Variants in KCNK3 observed in about 807,000 individuals in gnomAD.
KCNK3 encodes potassium channel subfamily K member 3.
In KCNK3, 9 loss-of-function variants were observed where a neutral mutation model predicts 27.3. The ratio of observed to expected loss-of-function variants is 0.33; its 90% CI spans 0.20 to 0.57. The LOEUF (loss-of-function observed/expected upper bound fraction) is 0.57. Among genes scored for constraint, KCNK3 ranks in the 20% least tolerant of loss-of-function variants. The pLI, the probability that KCNK3 is intolerant of heterozygous loss-of-function variation, is 0.87. For synonymous variants in KCNK3, 278 were observed against 273.8 expected, an observed-to-expected ratio of 1.02 and a Z score of -0.15; for missense variants, 391 against 577.7, an observed-to-expected ratio of 0.68 and a Z score of 3.31.
At chr2:26,727,394 A>C (rs1663440018) in intron 1 of KCNK3, among the ~76,000 whole-genome samples, 1 of 152,220 alleles carries the variant, frequency 6.6e-6, no homozygotes, top group Non-Finnish European at 1.5e-5. Context: ...ACTCGAGTTC[A>C]AACACGGTTG....
At chr2:26,698,534 A>G (rs1670263278) in intron 1 of KCNK3, among the ~76,000 whole-genome samples, 1 of 152,196 alleles carries the variant, frequency 6.6e-6, no homozygotes, top group Non-Finnish European at 1.5e-5. Context: ...GCACTTAATA[A>G]TTTGCCATTA....
rs1013938101 is a variant in KCNK3 at position 26,721,443 on chromosome 2, G to C, written c.284-6224G>C. ...TGGGCACAGAAGCTAGGCTCCTTCC[G>C]CCTCATCTCCTTTAACATGCCAATT... On this transcript the variant is annotated intron_variant, in intron 1 of 1. Coordinates refer to ENST00000302909, the MANE Select transcript of KCNK3 (RefSeq NM_002246.3). This position sits in a 1 kb window ranked among gnomAD's most constrained non-coding sequence, Gnocchi z 4.3. Among the ~76,000 whole-genome samples, 1 of 152,076 alleles carries C rather than the reference G, an allele frequency of 6.6e-6. No homozygotes were observed. Among genetic ancestry groups the C allele is most frequent in the Non-Finnish European group, 1.5e-5 (1 of 68,004 alleles).
At position 26,721,611 on chromosome 2, in the gene KCNK3, T is replaced by C. The variant is rs572542999; in HGVS notation, c.284-6056T>C. On this transcript the variant is annotated intron_variant, in intron 1 of 1. Coordinates refer to ENST00000302909, the MANE Select transcript of KCNK3 (RefSeq NM_002246.3). This position sits in a 1 kb window ranked among gnomAD's most constrained non-coding sequence, Gnocchi z 4.3. Reference sequence around the variant, plus strand: ...CCCCTGGGTGCCCTCTGAGCCCAGCTGCCCTCTGCCATCCAGCAGGGGAGC... The same window carrying C: ...CCCCTGGGTGCCCTCTGAGCCCAGCCGCCCTCTGCCATCCAGCAGGGGAGC... Among the ~76,000 whole-genome samples the C allele has an allele frequency of 5.3e-5, 8 of 152,292 alleles. No homozygotes were observed. The highest frequency in any genetic ancestry group is 2.0e-4 in the Admixed American group (3 of 15,306).
intron 1 of KCNK3, among the ~76,000 whole-genome samples, chr2:26,702,663 G>T (rs971793449): frequency 6.6e-6 from 1 of 152,176 alleles, no homozygotes; most frequent in Non-Finnish European, 1.5e-5. Flanking sequence ...GCAGACACTG[G>T]ATGGACGTAC....
chr2:26,709,406 A>G (rs1663059117), intron 1 of KCNK3, among the ~76,000 whole-genome samples: 1 of 152,166 alleles, frequency 6.6e-6, no homozygotes, highest in Non-Finnish European at 1.5e-5. Context: ...GGAGCCTGCC[A>G]GGAGATGGGA....
rs1264129362 is a variant in KCNK3 at position 26,733,016 on chromosome 2, A to G, written c.*4448A>G. On this transcript the variant is annotated 3_prime_UTR_variant, in exon 2 of 2. Coordinates refer to ENST00000302909, the MANE Select transcript of KCNK3 (RefSeq NM_002246.3). Reference sequence around the variant, plus strand: ...TGCTCACATCTCCTAAGATCTCAGAATTGCCTGAGGTTCTAGCGTGGGCTC... The same window carrying G: ...TGCTCACATCTCCTAAGATCTCAGAGTTGCCTGAGGTTCTAGCGTGGGCTC... The G allele has an allele frequency of 6.6e-6, 1 of 152,242 alleles. No homozygotes were observed. The highest frequency in any genetic ancestry group is 1.5e-5 in the Non-Finnish European group (1 of 68,074). The allele number at this position is 152,242 out of a possible 1,614,324, so 9.4% of individuals were successfully genotyped here. A position where few individuals can be genotyped will look rare whatever the true frequency, so the allele number is the denominator to read the frequency against.
intron 1 of KCNK3, among the ~76,000 whole-genome samples, chr2:26,708,024 G>A (rs1021141579): frequency 6.6e-6 from 1 of 152,198 alleles, no homozygotes; most frequent in African/African-American, 2.4e-5. Context: ...CAGGGAAAAA[G>A]AGCAGCCCCT....
Position 26,728,330 on chromosome 2 carries a change from A to G in KCNK3, c.947A>G (p.Lys316Arg), listed in dbSNP as rs1663468476. 6.2e-7 allele frequency: 1 copy of G among 1,603,820 alleles called. No individual in the cohort carries two copies. Among genetic ancestry groups the G allele is most frequent in the South Asian group, 1.1e-5 (1 of 89,480 alleles). The change falls in exon 2 of 2, where the codon AAG becomes AGG. Residue 316 changes from lysine (K) to arginine (R), a missense_variant. Transcript: ENST00000302909. ...TCCATGTGCTCGTGCCTGTGGTACA[A>G]GAGCCGCGAGAAGCTGCAGTACTCC... ...FQSMCSCLWY[K>R]SREKLQYSIP... is the part of the protein sequence containing the mutation.
Position 26,727,692 on chromosome 2 carries a change from G to A in KCNK3, c.309G>A (p.Thr103=), listed in dbSNP as rs199957242. The change falls in exon 2 of 2, where the codon ACG becomes ACA. Residue 103 remains threonine (T), a synonymous_variant. Coordinates refer to ENST00000302909, the MANE Select transcript of KCNK3 (RefSeq NM_002246.3). ...TIGYGHAAPS[T]DGGKVFCMFY... ...GCTACGGGCACGCGGCACCCAGCAC[G>A]GATGGCGGCAAGGTGTTCTGCATGT... 1.4e-5 allele frequency: 22 copies of A among 1,528,758 alleles called. No individual in the cohort carries two copies. In the South Asian group the frequency reaches 2.5e-4, roughly 17 times the overall value. 94.7% of individuals were successfully genotyped at this position (1,528,758 alleles called of 1,614,324 possible).
At chr2:26,713,794 G>A (rs1264490340) in intron 1 of KCNK3, among the ~76,000 whole-genome samples, 8 of 150,160 alleles carry the variant, frequency 5.3e-5, no homozygotes, top group Non-Finnish European at 8.9e-5. Context: ...AAAAAAAAAG[G>A]GCTGGGTGCT....
intron 1 of KCNK3, among the ~76,000 whole-genome samples, chr2:26,701,277 G>T (rs1407963797): frequency 6.6e-6 from 1 of 152,230 alleles, no homozygotes; most frequent in Non-Finnish European, 1.5e-5. Context: ...CCGCTTCCCT[G>T]AGGCTGGAGC....
At chr2:26,718,796 A>T (rs897125957) in intron 1 of KCNK3, among the ~76,000 whole-genome samples, 9 of 151,934 alleles carry the variant, frequency 5.9e-5, no homozygotes, top group Non-Finnish European at 4.4e-5. Context: ...TTTTCTAGAG[A>T]TGGGTCTCAC....
intron 1 of KCNK3, among the ~76,000 whole-genome samples, chr2:26,700,569 C>A (rs1670294063): frequency 6.6e-6 from 1 of 152,226 alleles, no homozygotes; most frequent in African/African-American, 2.4e-5. Context: ...AAGTTCCTTA[C>A]TACCCCTGCT....
At chr2:26,704,839 C>A (rs1004600380) in intron 1 of KCNK3, among the ~76,000 whole-genome samples, 3 of 152,272 alleles carry the variant, frequency 2.0e-5, no homozygotes, top group Admixed American at 6.5e-5. Flanking sequence ...CCTCAGGGAG[C>A]CTGCCTCTGT....
chr2:26,705,143 T>C (rs1484360106), intron 1 of KCNK3, among the ~76,000 whole-genome samples: 1 of 152,182 alleles, frequency 6.6e-6, no homozygotes. Flanking sequence ...TTTTAAATTT[T>C]AAGTAGAGAC....
At chr2:26,705,170 G>A (rs1411584690) in intron 1 of KCNK3, among the ~76,000 whole-genome samples, 1 of 152,086 alleles carries the variant, frequency 6.6e-6, no homozygotes, top group Non-Finnish European at 1.5e-5. Context: ...TTTCTATGTT[G>A]CCCAAGCTGG....
chr2:26,709,164 G>A (rs772519239), intron 1 of KCNK3, among the ~76,000 whole-genome samples: 2 of 152,118 alleles, frequency 1.3e-5, no homozygotes, highest in African/African-American at 2.4e-5. Flanking sequence ...CTTCTGTTTC[G>A]GATACCCAGC....
chr2:26,698,690 C>T (rs1670265198), intron 1 of KCNK3, among the ~76,000 whole-genome samples: 1 of 152,204 alleles, frequency 6.6e-6, no homozygotes, highest in South Asian at 2.1e-4. Context: ...GAGATTGCCA[C>T]ACCCTTTCCC....
Position 26,692,996 on chromosome 2 carries a change from C to A in KCNK3, c.121C>A (p.Leu41Met). 6.3e-7 allele frequency: 1 copy of A among 1,577,178 alleles called. No individual in the cohort carries two copies. The highest frequency in any genetic ancestry group is 1.8e-5 in the Admixed American group (1 of 55,660). ...GCCCGAGCTGATCGAGCGGCAGCGG[C>A]TGGAGCTGCGGCAGCAGGAGCTGCG... is the stretch of plus-strand genomic sequence containing the variant. The part of the protein sequence containing the change: ...SEPELIERQR[L>M]ELRQQELRAR... The change falls in exon 1 of 2, where the codon CTG (leucine) becomes ATG (methionine). Residue 41 changes from leucine to methionine, a missense_variant. By Grantham distance (15) the Leu-to-Met change is conservative. Around this residue, in one of 4 missense-constraint regions of KCNK3, gnomAD observed 158 missense variants for 267.7 expected, o/e 0.59. Coordinates refer to ENST00000302909, the MANE Select transcript of KCNK3 (RefSeq NM_002246.3). This position sits in a 1 kb window ranked among gnomAD's most constrained non-coding sequence, Gnocchi z 5.6.
Sources: gnomAD v4.1 joint callset for allele counts (sites outside exome capture counted in the v4.1 genomes callset) on GRCh38, gnomAD v4.1.1 for gene constraint, gnomAD v4.1.1 regional missense constraint, Gnocchi (gnomAD v3.1) non-coding constraint, MANE v1.5 for transcripts, NCBI Gene and HGNC (gene_info 2026-07-23, HGNC 2026-07-21) for gene names.